The following DENND5B variants were observed in gnomAD, a reference collection of about 807,000 sequenced individuals.
The protein encoded by DENND5B is DENN domain-containing protein 5B.
Under a neutral mutation model 140.6 loss-of-function variants are expected in DENND5B, and 34 were observed. That is an observed-to-expected ratio of 0.24 (90% CI 0.18 to 0.32). The LOEUF (loss-of-function observed/expected upper bound fraction) is 0.32, where lower values mean the gene tolerates loss of function less well. Among genes scored for constraint, DENND5B ranks in the 10% least tolerant of loss-of-function variants. The pLI is 1.00. For synonymous variants in DENND5B, 551 were observed against 562.1 expected, an observed-to-expected ratio of 0.98 and a Z score of 0.28; for missense variants, 1,142 against 1,560.2, an observed-to-expected ratio of 0.73 and a Z score of 4.52.
chr12:31,477,771 C>A, intron 3 of DENND5B: 1 of 193,936 alleles, frequency 5.2e-6, no homozygotes. Context: ...TAAAGATGCT[C>A]AGATTAGAAA....
At chr12:31,468,891 A>C (rs1244937827) in intron 3 of DENND5B, among the ~76,000 whole-genome samples, 2 of 152,198 alleles carry the variant, frequency 1.3e-5, no homozygotes, top group African/African-American at 4.8e-5. Flanking sequence ...GAGAATGCAC[A>C]AACAGTATTA....
At chr12:31,477,898 G>T in intron 3 of DENND5B, 1 of 227,060 alleles carries the variant, frequency 4.4e-6, no homozygotes, top group South Asian at 8.1e-5. Flanking sequence ...TCCAACTGAG[G>T]AGGACATGTC....
chr12:31,398,419 C>G lies in DENND5B; in HGVS notation c.3069-57G>C, dbSNP rs368562763. ...TTATTTTTTTGAGACAGGGTTCCCG[C>G]TCAGCCCCCTGAGTAGTTGAGACTA... On this transcript the variant is annotated intron_variant, in intron 16 of 20. Coordinates refer to ENST00000389082, the MANE Select transcript of DENND5B (RefSeq NM_144973.4). 1.9e-4 allele frequency: 278 copies of G among 1,473,718 alleles called. No homozygotes were observed. In the African/African-American group the frequency reaches 3.7e-3, roughly 20 times the overall value. 91.3% of individuals were successfully genotyped at this position (1,473,718 alleles called of 1,614,324 possible).
At chr12:31,414,759 C>T (rs1942633711) in intron 12 of DENND5B, among the ~76,000 whole-genome samples, 1 of 151,900 alleles carries the variant, frequency 6.6e-6, no homozygotes. Flanking sequence ...AAAACCCTGT[C>T]GCTACTAAAA....
At chr12:31,586,727 T>C (rs1950405650) in intron 1 of DENND5B, among the ~76,000 whole-genome samples, 1 of 152,208 alleles carries the variant, frequency 6.6e-6, no homozygotes, top group Non-Finnish European at 1.5e-5. Flanking sequence ...AATATGCGTA[T>C]GTTAAGAAAG....
Position 31,452,142 on chromosome 12 carries a change from G to A in DENND5B, c.1427C>T (p.Ser476Phe), listed in dbSNP as rs759948212. ...VAVEKMDLSA[S>F]LGEKDKDLKL... is the part of the protein sequence containing the mutation. ...TAAATCCTTGTCTTTTTCACCCAGA[G>A]AAGCAGAGAGGTCCATTTTTTCCAC... The change falls in exon 5 of 21, where the codon TCT becomes TTT. Residue 476 changes from serine to phenylalanine, a missense_variant. Around this residue, in one of 5 missense-constraint regions of DENND5B, gnomAD observed 708 missense variants for 905.5 expected, o/e 0.78. Transcript: ENST00000389082. 9 of 1,613,964 alleles carry A rather than the reference G, an allele frequency of 5.6e-6. No homozygotes were observed. The highest frequency in any genetic ancestry group is 7.6e-6 in the Non-Finnish European group (9 of 1,179,892).
intron 11 of DENND5B, 132 bp downstream of exon 11, chr12:31,423,465 C>T: frequency 1.1e-6 from 1 of 884,086 alleles, no homozygotes. Flanking sequence ...AATATTGCTC[C>T]TTCTACTTTA....
chr12:31,488,932 A>G (rs1185382965), intron 2 of DENND5B, among the ~76,000 whole-genome samples: 1 of 152,250 alleles, frequency 6.6e-6, no homozygotes, highest in Admixed American at 6.5e-5. Context: ...AAGCAGGCTT[A>G]TAATGACAAG....
At chr12:31,412,201 G>A (rs987771962) in intron 13 of DENND5B, among the ~76,000 whole-genome samples, 1 of 152,152 alleles carries the variant, frequency 6.6e-6, no homozygotes, top group Non-Finnish European at 1.5e-5. Flanking sequence ...GCCCACCTTG[G>A]CCTCCCAAAG....
In DENND5B at chr12:31,551,495, G is replaced by C. The variant is rs186734314; in HGVS notation, c.127+39211C>G. Among the ~76,000 whole-genome samples, 630 of 152,272 alleles carry C rather than the reference G, an allele frequency of 4.1e-3. 5 individuals carry two copies. The highest frequency in any genetic ancestry group is 0.014 in the African/African-American group (574 of 41,538). ...GTAGTATAGTTTGAAGTCAGGTAGC[G>C]TGATGCCTCCAGCTTTGTTCTTTTG... On this transcript the variant is annotated intron_variant, in intron 1 of 20. Coordinates refer to ENST00000389082, the MANE Select transcript of DENND5B (RefSeq NM_144973.4).
intron 1 of DENND5B, among the ~76,000 whole-genome samples, chr12:31,510,826 A>G (rs1485469283): frequency 1.3e-5 from 2 of 152,130 alleles, no homozygotes; most frequent in Non-Finnish European, 2.9e-5. Flanking sequence ...CAGAACCTAG[A>G]CTGCTCTTTA....
intron 1 of DENND5B, among the ~76,000 whole-genome samples, chr12:31,523,698 T>G (rs1305348049): frequency 6.6e-6 from 1 of 152,092 alleles, no homozygotes; most frequent in Non-Finnish European, 1.5e-5. Context: ...ATATAAATTT[T>G]GCCCCAATTT....
chr12:31,588,675 T>C (rs1950490021), intron 1 of DENND5B, among the ~76,000 whole-genome samples: 1 of 152,178 alleles, frequency 6.6e-6, no homozygotes, highest in African/African-American at 2.4e-5. Flanking sequence ...TCCGAGGATT[T>C]TGGTGTGGGG....
At chr12:31,579,217 G>T (rs1459338665) in intron 1 of DENND5B, among the ~76,000 whole-genome samples, 2 of 152,176 alleles carry the variant, frequency 1.3e-5, no homozygotes, top group Non-Finnish European at 2.9e-5. Flanking sequence ...TCTTGGAAAA[G>T]GTGCAGAACA....
At chr12:31,496,950 A>C (rs1314375045) in intron 1 of DENND5B, among the ~76,000 whole-genome samples, 2 of 152,208 alleles carry the variant, frequency 1.3e-5, no homozygotes, top group African/African-American at 2.4e-5. Context: ...TCCTACTTTT[A>C]GAGTTCTAAT....
intron 1 of DENND5B, among the ~76,000 whole-genome samples, chr12:31,551,998 T>C (rs1056288465): frequency 2.0e-5 from 3 of 152,202 alleles, no homozygotes; most frequent in African/African-American, 7.2e-5. Flanking sequence ...TAGACAATCA[T>C]GTTGTCTGCA....
At chr12:31,586,395 A>C (rs932341037) in intron 1 of DENND5B, among the ~76,000 whole-genome samples, 34 of 152,248 alleles carry the variant, frequency 2.2e-4, no homozygotes, top group Non-Finnish European at 4.7e-4. Flanking sequence ...TAGGAGAAGC[A>C]CAAGAACTTC....
chr12:31,574,297 T>TAATAATAATAATTATTA (rs1592078386), intron 1 of DENND5B, among the ~76,000 whole-genome samples: 1 of 147,490 alleles, frequency 6.8e-6, no homozygotes, highest in South Asian at 2.1e-4. Flanking sequence ...ATAATAATAA[T>TAATAATAATAATTATTA]TTAAAAGGGA....
At chr12:31,396,061 T>TTTTTTG (rs1479113372) in intron 17 of DENND5B, among the ~76,000 whole-genome samples, 3 of 52,572 alleles carry the variant, frequency 5.7e-5, no homozygotes, top group African/African-American at 1.6e-4. Context: ...TCCTTGTTTT[T>TTTTTTG]TTTTTTTTTT....
Sources: allele counts gnomAD v4.1 joint callset (sites outside exome capture counted in the v4.1 genomes callset), GRCh38; gene constraint gnomAD v4.1.1; regional missense constraint gnomAD v4.1.1; transcripts MANE v1.5; gene names NCBI Gene and HGNC (gene_info 2026-07-23, HGNC 2026-07-21).